Variants in RBKS observed in about 807,000 individuals in gnomAD.
RBKS encodes the protein ribokinase.
RBKS carries 33 observed loss-of-function variants against 33.9 expected under a neutral mutation model. The observed-to-expected ratio is 0.97, with a 90% CI of 0.74 to 1.30. RBKS has a LOEUF of 1.30. Among genes scored for constraint, RBKS ranks in the 50% most tolerant of loss-of-function variants. RBKS has a pLI of 0.00. For missense variants in RBKS, 361 were observed against 392.6 expected (o/e 0.92, Z 0.68); for synonymous variants, 125 against 143.0 (o/e 0.87, Z 0.90).
intron 7 of RBKS, among the ~76,000 whole-genome samples, chr2:27,794,826 G>A (rs1212625132): frequency 6.6e-6 from 1 of 152,098 alleles, no homozygotes; most frequent in Non-Finnish European, 1.5e-5. Flanking sequence ...GTTTCAACAT[G>A]TTGGCCAGGC....
Position 27,795,885 on chromosome 2 carries a change from TGG to T in RBKS, c.796-14099_796-14098del, listed in dbSNP as rs1186697974. Among the ~76,000 whole-genome samples the T allele has an allele frequency of 1.3e-5, 2 of 152,338 alleles. No individual in the cohort carries two copies. The highest frequency in any genetic ancestry group is 3.9e-4 in the East Asian group (2 of 5,188). On this transcript the variant is annotated intron_variant, in intron 7 of 7. Coordinates refer to ENST00000302188, the MANE Select transcript of RBKS (RefSeq NM_022128.3). The surrounding 1 kb of genome is among the most constrained non-coding windows in gnomAD (Gnocchi z 4.1). ...ACGTTTTCTGTACAAGCCTTCGCTC[TGG>T]GACAATCTGAACTCTCTTTAGGGCA...
intron 2 of RBKS, among the ~76,000 whole-genome samples, chr2:27,856,369 TG>T (rs1406049813): frequency 6.6e-6 from 1 of 152,188 alleles, no homozygotes; most frequent in Non-Finnish European, 1.5e-5. Flanking sequence ...CACACACAAA[TG>T]GTACCTTTGC....
intron 1 of RBKS, among the ~76,000 whole-genome samples, chr2:27,859,696 G>T (rs181308365): frequency 1.6e-4 from 24 of 152,218 alleles, no homozygotes; most frequent in Non-Finnish European, 3.1e-4. Context: ...GAGGGTAGGT[G>T]TGACCAAAAA....
intron 1 of RBKS, among the ~76,000 whole-genome samples, chr2:27,887,001 A>G (rs754899522): frequency 1.3e-5 from 2 of 152,196 alleles, no homozygotes; most frequent in Admixed American, 6.5e-5. Flanking sequence ...CCCCTCTCCC[A>G]AAGTATGTCC....
intron 1 of RBKS, among the ~76,000 whole-genome samples, chr2:27,873,169 T>C (rs1410492706): frequency 6.6e-6 from 1 of 152,208 alleles, no homozygotes; most frequent in Non-Finnish European, 1.5e-5. Context: ...GTATCCATTC[T>C]TGAAGTAACT....
chr2:27,835,663 G>A (rs1056709174), intron 5 of RBKS, among the ~76,000 whole-genome samples: 2 of 149,260 alleles, frequency 1.3e-5, no homozygotes, highest in Admixed American at 6.7e-5. Context: ...GGGCTCAAGC[G>A]ATCCTCACAC....
At chr2:27,878,542 A>T (rs1398273932) in intron 1 of RBKS, among the ~76,000 whole-genome samples, 1 of 152,168 alleles carries the variant, frequency 6.6e-6, no homozygotes, top group African/African-American at 2.4e-5. Flanking sequence ...TTGGATATAT[A>T]CCCAGTAATG....
intron 7 of RBKS, among the ~76,000 whole-genome samples, chr2:27,788,127 T>C (rs913603137): frequency 6.6e-6 from 1 of 152,126 alleles, no homozygotes; most frequent in Non-Finnish European, 1.5e-5. Flanking sequence ...ACAGCTAACA[T>C]CATACTCAAC....
chr2:27,812,722 G>A lies in RBKS; in HGVS notation c.795+14845C>T, dbSNP rs761614711. Among the ~76,000 whole-genome samples, 6 of 152,222 alleles carry A rather than the reference G, an allele frequency of 3.9e-5. No individual in the cohort carries two copies. In the East Asian group the frequency reaches 5.8e-4, roughly 15 times the overall value. ...GGGCCTGTTGTGGGGTGGGGGAAGC[G>A]GGGAGGGACAGCATTAGGAGATATA... On this transcript the variant is annotated intron_variant, in intron 7 of 7. Transcript: ENST00000302188.
rs1211107529 is a variant in RBKS at position 27,810,220 on chromosome 2, A to G, written c.795+17347T>C. Among the ~76,000 whole-genome samples, 1 of 152,206 alleles carries G rather than the reference A, an allele frequency of 6.6e-6. No individual in the cohort carries two copies. Among genetic ancestry groups the G allele is most frequent in the East Asian group, 1.9e-4 (1 of 5,200 alleles). On this transcript the variant is annotated intron_variant, in intron 7 of 7. Transcript: ENST00000302188. This position sits in a 1 kb window ranked among gnomAD's most constrained non-coding sequence, Gnocchi z 4.4. ...TGATTTGTCACTTTATCAGGGAAGG[A>G]TGCATAGTTACGTGAAGGCTGTGTT... is the stretch of plus-strand genomic sequence containing the variant.
At chr2:27,816,244 T>C (rs952332717) in intron 7 of RBKS, among the ~76,000 whole-genome samples, 1 of 152,364 alleles carries the variant, frequency 6.6e-6, no homozygotes, top group East Asian at 1.9e-4. Flanking sequence ...GAATTCTGCC[T>C]GATTAGCTAA....
chr2:27,789,539 T>C (rs2148182144), intron 7 of RBKS, among the ~76,000 whole-genome samples: 1 of 151,364 alleles, frequency 6.6e-6, no homozygotes, highest in African/African-American at 2.4e-5. Flanking sequence ...GCTGGGAGTA[T>C]AGATGTGTGC....
At chr2:27,861,947 ATTTT>A (rs763090773) in intron 1 of RBKS, among the ~76,000 whole-genome samples, 1 of 113,722 alleles carries the variant, frequency 8.8e-6, no homozygotes, top group East Asian at 2.4e-4. Context: ...GCCTGGCCTG[ATTTT>A]TTTTTTTTTT....
intron 7 of RBKS, among the ~76,000 whole-genome samples, chr2:27,798,487 G>A (rs1230628547): frequency 1.3e-5 from 2 of 152,046 alleles, no homozygotes; most frequent in Non-Finnish European, 2.9e-5. Context: ...ACCAGTTGTC[G>A]AGTTTAAATC....
At chr2:27,797,365 C>T (rs552609551) in intron 7 of RBKS, among the ~76,000 whole-genome samples, 3 of 152,288 alleles carry the variant, frequency 2.0e-5, no homozygotes, top group Non-Finnish European at 2.9e-5. Flanking sequence ...GTGTCACAGA[C>T]GCCAGCAGCA....
At chr2:27,857,250 G>GC (rs546978769) in intron 2 of RBKS, among the ~76,000 whole-genome samples, 40 of 152,190 alleles carry the variant, frequency 2.6e-4, no homozygotes, top group African/African-American at 8.9e-4. Flanking sequence ...TATTTTTCTT[G>GC]CCCTTTAATA....
intron 7 of RBKS, among the ~76,000 whole-genome samples, chr2:27,813,506 G>A (rs192847393): frequency 6.6e-6 from 1 of 152,068 alleles, no homozygotes; most frequent in Non-Finnish European, 1.5e-5. Context: ...AAACAAATTA[G>A]GCATGGCTAA....
At chr2:27,816,412 A>AT (rs1341461537) in intron 7 of RBKS, among the ~76,000 whole-genome samples, 1 of 151,886 alleles carries the variant, frequency 6.6e-6, no homozygotes, top group African/African-American at 2.4e-5. Context: ...TGTCTTCTTC[A>AT]TTTTTTCCAG....
intron 7 of RBKS, among the ~76,000 whole-genome samples, chr2:27,791,646 AATATAC>A (rs66685463): frequency 0.39 from 54,279 of 140,378 alleles, 11,060 homozygotes; most frequent in Middle Eastern, 0.45. Context: ...ACACACACTA[AATATAC>A]ATATACATAT....
Sources: allele counts gnomAD v4.1 joint callset (sites outside exome capture counted in the v4.1 genomes callset), GRCh38; gene constraint gnomAD v4.1.1; non-coding constraint Gnocchi (gnomAD v3.1); transcripts MANE v1.5; gene names NCBI Gene and HGNC (gene_info 2026-07-23, HGNC 2026-07-21).